Variants in DLL3 observed in about 807,000 individuals in gnomAD.
DLL3 encodes delta like canonical Notch ligand 3.
A neutral mutation model predicts 55.0 loss-of-function variants in DLL3; 49 were observed. That is an observed-to-expected ratio of 0.89 (90% CI 0.71 to 1.13). DLL3 has a LOEUF of 1.13. Ranked by LOEUF, DLL3 falls within the 50% of genes most tolerant of loss-of-function variation. DLL3 has a pLI of 0.00. For synonymous variants in DLL3, 421 were observed against 385.2 expected, an observed-to-expected ratio of 1.09 and a Z score of -1.09; for missense variants, 962 against 875.5, an observed-to-expected ratio of 1.10 and a Z score of -1.25.
intron 2 of DLL3, 85 bp from the exon 3 acceptor site, chr19:39,500,530 C>A (rs1459193729): frequency 1.6e-6 from 2 of 1,259,922 alleles, no homozygotes; most frequent in African/African-American, 1.5e-5. Context: ...CCATCACCCT[C>A]CATTCCTGAA....
In DLL3 at chr19:39,499,245, A is replaced by G; in HGVS notation, c.123A>G (p.Pro41=). ...ELQIHSFGPG[P]GPGAPRSPCS... is the part of the protein sequence containing the mutation. The stretch of plus-strand genomic sequence containing the variant: ...AGATCCACTCTTTCGGGCCGGGTCC[A>G]GGCCCTGGGGCCCCGCGGTCCCCCT... Residue 41 remains proline (P), a synonymous_variant, in exon 2 of 9, where the codon CCA becomes CCG. Coordinates refer to ENST00000356433, the MANE Select transcript of DLL3 (RefSeq NM_203486.3). 1.3e-6 allele frequency: 2 copies of G among 1,547,264 alleles called. No individual in the cohort carries two copies. The highest frequency in any genetic ancestry group is 1.9e-5 in the Admixed American group (1 of 51,724).
chr19:39,504,389 C>G (rs573368494), intron 5 of DLL3, 101 bp downstream of exon 5: 2 of 1,300,144 alleles, frequency 1.5e-6, no homozygotes, highest in Non-Finnish European at 2.2e-6. Flanking sequence ...GGGAGGAGAT[C>G]TGGGAATAAC....
In DLL3 at chr19:39,507,542, C is replaced by T; in HGVS notation, c.1597C>T (p.Pro533Ser). 6.2e-7 allele frequency: 1 copy of T among 1,606,234 alleles called. No homozygotes were observed. The change falls in exon 7 of 9, where the codon CCG becomes TCG. Residue 533 changes from proline (P) to serine (S), a missense_variant. By Grantham distance (74) the Pro-to-Ser change is moderately conservative (BLOSUM62 -1). Coordinates refer to ENST00000356433, the MANE Select transcript of DLL3 (RefSeq NM_203486.3). ...TGGGTCTCGCTTGCTGGCTGGGACC[C>T]CGGAGCCGTCAGTCCACGCACTCCC... The part of the protein sequence containing the change: ...DAGSRLLAGT[P>S]EPSVHALPDA...
intron 4 of DLL3, among the ~76,000 whole-genome samples, chr19:39,503,563 G>A (rs2079623388): frequency 6.6e-6 from 1 of 152,162 alleles, no homozygotes; most frequent in African/African-American, 2.4e-5. Flanking sequence ...TAGGGTTGCA[G>A]GCCAGAACCC....
intron 2 of DLL3, 101 bp from the exon 3 acceptor site, chr19:39,500,514 C>A: frequency 9.6e-7 from 1 of 1,046,100 alleles, no homozygotes; most frequent in Non-Finnish European, 1.5e-6. Flanking sequence ...CAGTCCCCAG[C>A]AATGGCCATC....
intron 3 of DLL3, 106 bp downstream of exon 3, chr19:39,500,778 T>A (rs1333835923): frequency 1.8e-5 from 18 of 1,025,084 alleles, no homozygotes; most frequent in Non-Finnish European, 2.6e-5. Context: ...GCTCCTGGGA[T>A]GTGGTGCTGA....
chr19:39,499,134 G>A (rs2079593738), intron 1 of DLL3, 58 bp from the exon 2 acceptor site: 1 of 1,609,586 alleles, frequency 6.2e-7, no homozygotes, highest in Admixed American at 1.7e-5. Context: ...GGAGCGTGGG[G>A]CGGACGGGAA....
At chr19:39,505,123 G>T in intron 5 of DLL3, 106 bp from the exon 6 acceptor site, 1 of 1,177,530 alleles carries the variant, frequency 8.5e-7, no homozygotes, top group South Asian at 1.3e-5. Context: ...TGCATAGTGG[G>T]ACTTGAGACT....
chr19:39,505,902 T>C (rs2079637733), intron 6 of DLL3, among the ~76,000 whole-genome samples: 1 of 152,042 alleles, frequency 6.6e-6, no homozygotes, highest in Admixed American at 6.6e-5. Context: ...AGAAGAGACC[T>C]GATATCGGTG....
Position 39,507,353 on chromosome 19 carries a change from C to A in DLL3, c.1408C>A (p.Pro470Thr), listed in dbSNP as rs1418322772. The A allele has an allele frequency of 6.4e-7, 1 of 1,571,156 alleles. No homozygotes were observed. Among genetic ancestry groups the A allele is most frequent in the African/African-American group, 1.3e-5 (1 of 74,316 alleles). Residue 470 changes from proline to threonine, a missense_variant, in exon 7 of 9, where the codon CCC (proline) becomes ACC (threonine). Physicochemically the swap from Pro to Thr is conservative, Grantham distance 38. Coordinates refer to ENST00000356433, the MANE Select transcript of DLL3 (RefSeq NM_203486.3). ...MGARCEFPVHPDGASALPAAP... is the reference protein window; with the variant it reads ...MGARCEFPVHTDGASALPAAP... Reference sequence around the variant, plus strand: ...AGCGCGGTGTGAGTTCCCAGTGCACCCCGACGGCGCAAGCGCCTTGCCCGC... The same window carrying A: ...AGCGCGGTGTGAGTTCCCAGTGCACACCGACGGCGCAAGCGCCTTGCCCGC...
intron 7 of DLL3, 34 bp downstream of exon 7, chr19:39,507,652 C>T (rs1426528704): frequency 6.3e-7 from 1 of 1,591,910 alleles, no homozygotes; most frequent in Non-Finnish European, 8.5e-7. Context: ...ACGCCTTGCG[C>T]TGCTGGCTGC....
At chr19:39,502,322 T>C (rs1387424435) in intron 3 of DLL3, among the ~76,000 whole-genome samples, 2 of 151,722 alleles carry the variant, frequency 1.3e-5, no homozygotes, top group Non-Finnish European at 2.9e-5. Context: ...TGGAGTGCGA[T>C]GGCCGATCTC....
intron 3 of DLL3, 26 bp downstream of exon 3, chr19:39,500,698 G>A: frequency 6.2e-7 from 1 of 1,607,924 alleles, no homozygotes; most frequent in Non-Finnish European, 8.5e-7. Flanking sequence ...CTTGGGACTG[G>A]TGGGGAGCTG....
chr19:39,505,219 C>A lies in DLL3; in HGVS notation c.871-10C>A, dbSNP rs201781799. ...AAACACCCTTCTCAAGTACTCTTGT[C>A]CCTGCCCAGGAGACACCCAGGTCCT... is the stretch of plus-strand genomic sequence containing the variant. On this transcript the variant is annotated splice_polypyrimidine_tract_variant and intron_variant, in intron 5 of 8. Transcript: ENST00000356433. 1 of 1,613,512 alleles carries A rather than the reference C, an allele frequency of 6.2e-7. No individual in the cohort carries two copies. The highest frequency in any genetic ancestry group is 1.1e-5 in the South Asian group (1 of 91,054).
At position 39,499,493 on chromosome 19, in the gene DLL3, G is replaced by C; in HGVS notation, c.351+20G>C. On this transcript the variant is annotated intron_variant, in intron 2 of 8. Coordinates refer to ENST00000356433, the MANE Select transcript of DLL3 (RefSeq NM_203486.3). ...TGGCCTGTAAGTGCTGCCCCCGGGGGACTCCCGGTGCTGGAGGCCTAACCC... is the reference window on the plus strand; with the variant it reads ...TGGCCTGTAAGTGCTGCCCCCGGGGCACTCCCGGTGCTGGAGGCCTAACCC... The C allele has an allele frequency of 1.3e-6, 2 of 1,577,850 alleles. No homozygotes were observed. The highest frequency in any genetic ancestry group is 1.7e-6 in the Non-Finnish European group (2 of 1,169,622).
rs753229267 is a variant in DLL3, at chr19:39,507,625, G to T, written c.1673+7G>T. 5.0e-6 allele frequency: 8 copies of T among 1,603,640 alleles called. No individual in the cohort carries two copies. The African/African-American group carries it at 8.0e-5, about 16-fold the overall frequency. On this transcript the variant is annotated splice_region_variant and intron_variant, in intron 7 of 8. Coordinates refer to ENST00000356433, the MANE Select transcript of DLL3 (RefSeq NM_203486.3). ...GTTCCGGGGATGGTCCGAGGTGAGGGGCTGCGCCACAGACGAACGCCTTGC... is the reference window on the plus strand; with the variant it reads ...GTTCCGGGGATGGTCCGAGGTGAGGTGCTGCGCCACAGACGAACGCCTTGC...
At position 39,507,298 on chromosome 19, in the gene DLL3, C is replaced by T. The variant is rs1415685121; in HGVS notation, c.1353C>T (p.Leu451=). The change falls in exon 7 of 9, where the codon CTC becomes CTT. Residue 451 remains leucine (L), a synonymous_variant. Coordinates refer to ENST00000356433, the MANE Select transcript of DLL3 (RefSeq NM_203486.3). The stretch of plus-strand genomic sequence containing the variant: ...GCTGCTACGCCCACTTCTCCGGCCT[C>T]GTCTGCGCTTGCGCTCCCGGCTACA... ...GGRCYAHFSG[L]VCACAPGYMG... 2 of 1,551,992 alleles carry T rather than the reference C, an allele frequency of 1.3e-6. No homozygotes were observed. Among genetic ancestry groups the T allele is most frequent in the Non-Finnish European group, 8.6e-7 (1 of 1,156,468 alleles).
chr19:39,508,359 G>A lies in DLL3; in HGVS notation c.*102G>A, dbSNP rs2079657545. ...GAGGCTTTGGAGTTCAATCTTGAAG[G>A]GGTGTCTGGGGGAACTTTACTGTTG... On this transcript the variant is annotated 3_prime_UTR_variant, in exon 9 of 9. Coordinates refer to ENST00000356433, the MANE Select transcript of DLL3 (RefSeq NM_203486.3). 7.6e-7 allele frequency: 1 copy of A among 1,318,930 alleles called. No individual in the cohort carries two copies. The highest frequency in any genetic ancestry group is 1.1e-6 in the Non-Finnish European group (1 of 916,018). The allele number at this position is 1,318,930 out of a possible 1,614,324, so 81.7% of individuals were successfully genotyped here.
In DLL3 at chr19:39,499,279, C is replaced by A. The variant is rs1453291753; in HGVS notation, c.157C>A (p.Arg53=). ...GGCCCCGCGGTCCCCCTGCAGCGCCCGGCTCCCCTGCCGCCTCTTCTTCAG... is the reference window on the plus strand; with the variant it reads ...GGCCCCGCGGTCCCCCTGCAGCGCCAGGCTCCCCTGCCGCCTCTTCTTCAG... ...PGAPRSPCSA[R]LPCRLFFRVC... Residue 53 remains arginine, a synonymous_variant, in exon 2 of 9, where the codon CGG becomes AGG. Transcript: ENST00000356433. 1.9e-6 allele frequency: 3 copies of A among 1,541,586 alleles called. No homozygotes were observed. The highest frequency in any genetic ancestry group is 2.6e-6 in the Non-Finnish European group (3 of 1,147,850).
Sources: allele counts gnomAD v4.1 joint callset (sites outside exome capture counted in the v4.1 genomes callset), GRCh38; gene constraint gnomAD v4.1.1; transcripts MANE v1.5; gene names NCBI Gene and HGNC (gene_info 2026-07-23, HGNC 2026-07-21).